The following GCSH variants were observed in gnomAD, a reference collection of about 807,000 sequenced individuals.
The protein encoded by GCSH is glycine cleavage system protein H, also known as glycine cleavage system H protein, mitochondrial.
Under a neutral mutation model 21.3 loss-of-function variants are expected in GCSH, and 15 were observed. That is an observed-to-expected ratio of 0.70 (90% CI 0.47 to 1.08). GCSH has a LOEUF of 1.08. GCSH is among the 50% of genes least tolerant of loss of function. The pLI is 0.00. For missense variants in GCSH, 179 were observed against 217.5 expected, an observed-to-expected ratio of 0.82 and a Z score of 1.11; for synonymous variants, 59 against 84.5, an observed-to-expected ratio of 0.70 and a Z score of 1.66.
intron 1 of GCSH, among the ~76,000 whole-genome samples, chr16:81,093,542 T>C (rs927302258): frequency 6.6e-6 from 1 of 152,070 alleles, no homozygotes; most frequent in South Asian, 2.1e-4. Context: ...TTACAGGTAA[T>C]GTTACCCCTC....
intron 1 of GCSH, among the ~76,000 whole-genome samples, chr16:81,092,586 T>C (rs939559095): frequency 6.9e-6 from 1 of 145,830 alleles, no homozygotes; most frequent in Non-Finnish European, 1.5e-5. Context: ...ACTAAAAAAA[T>C]ACAAAAATTA....
At chr16:81,085,309 G>T (rs754050431) in intron 3 of GCSH, among the ~76,000 whole-genome samples, 1 of 152,108 alleles carries the variant, frequency 6.6e-6, no homozygotes, top group Non-Finnish European at 1.5e-5. Context: ...CACCGTGCCT[G>T]GCCTACATTT....
At chr16:81,091,812 G>GA (rs1168771301) in intron 1 of GCSH, among the ~76,000 whole-genome samples, 1 of 151,886 alleles carries the variant, frequency 6.6e-6, no homozygotes, top group Non-Finnish European at 1.5e-5. Flanking sequence ...TGTAGAGATG[G>GA]GGGGGTCTAT....
In GCSH at chr16:81,096,297, G is replaced by C; in HGVS notation, c.-19C>G. On this transcript the variant is annotated 5_prime_UTR_variant, in exon 1 of 5. Transcript: ENST00000315467. ...GCGCCATGTTCGCAGGGGTGCGGGG[G>C]TCGCAGCGCTACGCCTCGGCCACCC... 3 of 1,364,234 alleles carry C rather than the reference G, an allele frequency of 2.2e-6. No individual in the cohort carries two copies. Among genetic ancestry groups the C allele is most frequent in the Non-Finnish European group, 2.8e-6 (3 of 1,063,794 alleles). 84.5% of individuals were successfully genotyped at this position (1,364,234 alleles called of 1,614,324 possible).
chr16:81,091,189 C>G (rs972867754), intron 1 of GCSH: 22 of 412,640 alleles, frequency 5.3e-5, no homozygotes, highest in Middle Eastern at 6.7e-4. Flanking sequence ...GCTTGGGTTA[C>G]AAAGTAAAAT....
intron 1 of GCSH, among the ~76,000 whole-genome samples, chr16:81,091,838 C>G (rs78853735): frequency 0.031 from 4,649 of 152,012 alleles, 186 homozygotes; most frequent in African/African-American, 0.099. Context: ...CCAGACTGGT[C>G]TCAAATTCCT....
intron 1 of GCSH, among the ~76,000 whole-genome samples, chr16:81,093,572 G>A (rs185434474): frequency 5.9e-4 from 90 of 152,200 alleles, no homozygotes; most frequent in African/African-American, 2.0e-3. Flanking sequence ...CAACAGCAGT[G>A]GCTCTCGCCT....
At position 81,082,422 on chromosome 16, in the gene GCSH, G is replaced by C. The variant is rs1246199619; in HGVS notation, c.*444C>G. The C allele has an allele frequency of 2.6e-6, 1 of 382,352 alleles. No individual in the cohort carries two copies. Among genetic ancestry groups the C allele is most frequent in the South Asian group, 1.9e-5 (1 of 51,750 alleles). 23.7% of individuals were successfully genotyped at this position (382,352 alleles called of 1,614,324 possible). A position where few individuals can be genotyped will look rare whatever the true frequency, so the allele number is the denominator to read the frequency against. The stretch of plus-strand genomic sequence containing the variant: ...AGTGTATCGCAAAATTAAGATAGTG[G>C]TGTTCCTCATCTGACACTGTACAAG... On this transcript the variant is annotated 3_prime_UTR_variant, in exon 5 of 5. Coordinates refer to ENST00000315467, the MANE Select transcript of GCSH (RefSeq NM_004483.5).
In GCSH at chr16:81,096,375, G is replaced by T; in HGVS notation, c.-97C>A. ...AGTTCGCGGCCGGAGGGAGCCGGCT[G>T]GATGGAGGCGCGGAGGCGGTGCCGC... On this transcript the variant is annotated 5_prime_UTR_variant, in exon 1 of 5. Coordinates refer to ENST00000315467, the MANE Select transcript of GCSH (RefSeq NM_004483.5). The T allele has an allele frequency of 9.6e-7, 1 of 1,044,340 alleles. No homozygotes were observed. Among genetic ancestry groups the T allele is most frequent in the Non-Finnish European group, 1.3e-6 (1 of 790,106 alleles). The allele number at this position is 1,044,340 out of a possible 1,614,324, so 64.7% of individuals were successfully genotyped here.
At chr16:81,091,564 T>C (rs1156262096) in intron 1 of GCSH, among the ~76,000 whole-genome samples, 2 of 152,204 alleles carry the variant, frequency 1.3e-5, no homozygotes, top group African/African-American at 4.8e-5. Context: ...AAAAAGCATA[T>C]GCTATATTAA....
chr16:81,088,477 C>A (rs1335161398), intron 2 of GCSH, among the ~76,000 whole-genome samples: 1 of 152,124 alleles, frequency 6.6e-6, no homozygotes, highest in Non-Finnish European at 1.5e-5. Flanking sequence ...CAGCTCACTG[C>A]AACCTCTGCC....
chr16:81,089,878 G>GT (rs1310666314), intron 2 of GCSH, among the ~76,000 whole-genome samples: 3 of 152,154 alleles, frequency 2.0e-5, no homozygotes, highest in Non-Finnish European at 4.4e-5. Flanking sequence ...GGTCACGTGT[G>GT]TATCACTGGA....
intron 1 of GCSH, among the ~76,000 whole-genome samples, chr16:81,095,867 C>G (rs1972494968): frequency 6.6e-6 from 1 of 152,150 alleles, no homozygotes; most frequent in Admixed American, 6.5e-5. Context: ...CGGGCCACCC[C>G]CGCCTCGGTG....
chr16:81,096,054 C>T, intron 1 of GCSH, 77 bp downstream of exon 1: 2 of 1,167,550 alleles, frequency 1.7e-6, no homozygotes, highest in Non-Finnish European at 2.2e-6. Context: ...GCCCCGGCGT[C>T]CTCCGTGTCC....
chr16:81,090,973 G>T, intron 1 of GCSH: 1 of 495,430 alleles, frequency 2.0e-6, no homozygotes, highest in Admixed American at 3.2e-5. Flanking sequence ...AAATTTTGGA[G>T]CATATTTCAA....
At chr16:81,093,846 G>A (rs1232705144) in intron 1 of GCSH, among the ~76,000 whole-genome samples, 2 of 152,088 alleles carry the variant, frequency 1.3e-5, no homozygotes, top group African/African-American at 4.8e-5. Flanking sequence ...GCAATGATTA[G>A]TACAATTCTC....
intron 2 of GCSH, among the ~76,000 whole-genome samples, chr16:81,089,373 A>G (rs1464529751): frequency 6.6e-6 from 1 of 152,142 alleles, no homozygotes; most frequent in Admixed American, 6.6e-5. Flanking sequence ...TTTTTGGAGT[A>G]TTTCAGGGAT....
chr16:81,084,864 T>C (rs113597747), intron 3 of GCSH, among the ~76,000 whole-genome samples: 16,717 of 147,472 alleles, frequency 0.11, 975 homozygotes, highest in East Asian at 0.22. Context: ...GGCGCCCACC[T>C]GCCACCACGC....
At chr16:81,091,099 T>A (rs1002711822) in intron 1 of GCSH, 1 of 454,388 alleles carries the variant, frequency 2.2e-6, no homozygotes, top group African/African-American at 2.0e-5. Flanking sequence ...ATATAAGAAA[T>A]GATTTAACCT....
Sources: allele counts gnomAD v4.1 joint callset (sites outside exome capture counted in the v4.1 genomes callset), GRCh38; gene constraint gnomAD v4.1.1; transcripts MANE v1.5; gene names NCBI Gene and HGNC (gene_info 2026-07-23, HGNC 2026-07-21).